Variants in PRPH observed in about 807,000 individuals in gnomAD.
PRPH encodes the protein peripherin.
A neutral mutation model predicts 52.6 loss-of-function variants in PRPH; 48 were observed. That is an observed-to-expected ratio of 0.91 (90% confidence interval 0.72 to 1.16). The LOEUF (loss-of-function observed/expected upper bound fraction) is 1.16. Among genes scored for constraint, PRPH ranks in the 50% most tolerant of loss-of-function variants. The pLI is 0.00. For missense variants in PRPH, 579 were observed against 635.7 expected, an observed-to-expected ratio of 0.91 and a Z score of 0.96; for synonymous variants, 279 against 283.8, an observed-to-expected ratio of 0.98 and a Z score of 0.17.
In PRPH at chr12:49,296,991, C is replaced by T. The variant is rs755327114; in HGVS notation, c.805C>T (p.Arg269Cys). The change falls in exon 4 of 9, where the codon CGC becomes TGC. Residue 269 changes from arginine (R) to cysteine (C), a missense_variant. Arg to Cys is a radical substitution (Grantham distance 180). Coordinates refer to ENST00000257860, the MANE Select transcript of PRPH (RefSeq NM_006262.4). The surrounding 1 kb of genome is among the most constrained non-coding windows in gnomAD (Gnocchi z 5.1). ...PELTAALRDI[R>C]AQYESIAAKN... ...GCTGACGGCAGCGCTGAGGGACATC[C>T]GCGCGCAGTACGAGAGCATCGCCGC... is the stretch of plus-strand genomic sequence containing the variant. The T allele has an allele frequency of 1.4e-5, 22 of 1,613,808 alleles. No individual in the cohort carries two copies. The highest frequency in any genetic ancestry group is 1.9e-5 in the Non-Finnish European group (22 of 1,179,962).
Position 49,296,598 on chromosome 12 carries a change from C to A in PRPH, c.702+71C>A. On this transcript the variant is annotated intron_variant, in intron 3 of 8. Transcript: ENST00000257860. This position sits in a 1 kb window ranked among gnomAD's most constrained non-coding sequence, Gnocchi z 5.1. ...GTCTCGCTGGAGCTGGCGGGTGGAG[C>A]GGAGGCATCGCCCTGGGGATCAGGA... 7.1e-7 allele frequency: 1 copy of A among 1,414,746 alleles called. No homozygotes were observed. The highest frequency in any genetic ancestry group is 9.9e-7 in the Non-Finnish European group (1 of 1,010,604). 87.6% of individuals were successfully genotyped at this position (1,414,746 alleles called of 1,614,324 possible).
In PRPH at chr12:49,296,702, C is replaced by A; in HGVS notation, c.702+175C>A. 8.7e-7 allele frequency: 1 copy of A among 1,148,298 alleles called. No individual in the cohort carries two copies. The highest frequency in any genetic ancestry group is 1.2e-6 in the Non-Finnish European group (1 of 806,342). 71.1% of individuals were successfully genotyped at this position (1,148,298 alleles called of 1,614,324 possible). A position where few individuals can be genotyped will look rare whatever the true frequency, so the allele number is the denominator to read the frequency against. ...CACCCTTGCGCCACCTGGCGGCGGG[C>A]AGCGGGGCTGTACCTCCGAAACCTG... On this transcript the variant is annotated intron_variant, in intron 3 of 8. Transcript: ENST00000257860. This position sits in a 1 kb window ranked among gnomAD's most constrained non-coding sequence, Gnocchi z 5.1.
At position 49,297,445 on chromosome 12, in the gene PRPH, A is replaced by G. The variant is rs764997995; in HGVS notation, c.1085A>G (p.Glu362Gly). The G allele has an allele frequency of 6.8e-6, 11 of 1,610,494 alleles. No homozygotes were observed. The highest frequency in any genetic ancestry group is 9.3e-6 in the Non-Finnish European group (11 of 1,179,454). Reference protein sequence around the residue: ...GGYQAGAARLEEELRQLKEEM... With the variant: ...GGYQAGAARLGEELRQLKEEM... ...TACCAGGCGGGCGCTGCGCGGCTCG[A>G]GGAGGAGCTGCGACAGCTAAAAGAG... is the stretch of plus-strand genomic sequence containing the variant. Residue 362 changes from glutamate (E) to glycine (G), a missense_variant, in exon 6 of 9, where the codon GAG becomes GGG. Coordinates refer to ENST00000257860, the MANE Select transcript of PRPH (RefSeq NM_006262.4). This position sits in a 1 kb window ranked among gnomAD's most constrained non-coding sequence, Gnocchi z 4.4.
At position 49,296,558 on chromosome 12, in the gene PRPH, T is replaced by C. The variant is rs1242227489; in HGVS notation, c.702+31T>C. 6.2e-7 allele frequency: 1 copy of C among 1,601,714 alleles called. No homozygotes were observed. The highest frequency in any genetic ancestry group is 1.3e-5 in the African/African-American group (1 of 74,742). On this transcript the variant is annotated intron_variant, in intron 3 of 8. Transcript: ENST00000257860. This position sits in a 1 kb window ranked among gnomAD's most constrained non-coding sequence, Gnocchi z 5.1. ...TGGGCCCGGTATCAGGGGCGGTTTC[T>C]GAGGTTGTGGGGTGGTCTCGCTGGA...
rs200693420 is a variant in PRPH at position 49,297,073 on chromosome 12, G to A, written c.870+17G>A. 9.9e-6 allele frequency: 16 copies of A among 1,613,880 alleles called. No individual in the cohort carries two copies. Among genetic ancestry groups the A allele is most frequent in the African/African-American group, 1.3e-5 (1 of 75,002 alleles). ...AAGTCCAAGGTGCAAGAGCCGGGAGGGCCTGCGAGGCGGGACGCTGGGGTG... is the reference window on the plus strand; with the variant it reads ...AAGTCCAAGGTGCAAGAGCCGGGAGAGCCTGCGAGGCGGGACGCTGGGGTG... On this transcript the variant is annotated intron_variant, in intron 4 of 8. Transcript: ENST00000257860. This position sits in a 1 kb window ranked among gnomAD's most constrained non-coding sequence, Gnocchi z 4.4.
At position 49,295,304 on chromosome 12, in the gene PRPH, C is replaced by T. The variant is rs756446756; in HGVS notation, c.104C>T (p.Ser35Leu). ...CTATCCCCCGGGGCCTTCTCCTACT[C>T]GTCCAGCTCCCGCTTCTCCAGCAGC... ...PSLSPGAFSYSSSSRFSSSRL... is the reference protein window; with the variant it reads ...PSLSPGAFSYLSSSRFSSSRL... Residue 35 changes from serine to leucine, a missense_variant, in exon 1 of 9, where the codon TCG (serine) becomes TTG (leucine). Transcript: ENST00000257860. The T allele has an allele frequency of 6.2e-7, 1 of 1,611,660 alleles. No individual in the cohort carries two copies. The highest frequency in any genetic ancestry group is 1.1e-5 in the South Asian group (1 of 90,858).
At position 49,297,602 on chromosome 12, in the gene PRPH, G is replaced by A. The variant is rs761451745; in HGVS notation, c.1217+25G>A. On this transcript the variant is annotated intron_variant, in intron 6 of 8. Coordinates refer to ENST00000257860, the MANE Select transcript of PRPH (RefSeq NM_006262.4). This position sits in a 1 kb window ranked among gnomAD's most constrained non-coding sequence, Gnocchi z 4.4. The stretch of plus-strand genomic sequence containing the variant: ...GGTGAGGGTGGAGCTGCTGGGGCGG[G>A]GCAGGGCGGGGTCGGGACTGGGCCG... The A allele has an allele frequency of 7.5e-6, 12 of 1,609,316 alleles. No homozygotes were observed. Among genetic ancestry groups the A allele is most frequent in the Non-Finnish European group, 1.0e-5 (12 of 1,178,782 alleles).
In PRPH at chr12:49,295,345, G is replaced by C; in HGVS notation, c.145G>C (p.Ala49Pro). Residue 49 changes from alanine to proline, a missense_variant, in exon 1 of 9, where the codon GCG becomes CCG. Transcript: ENST00000257860. ...CTCCAGCAGCCGCCTGCTGGGCTCC[G>C]CGTCCCCGAGCTCCTCGGTGCGCCT... ...RFSSSRLLGS[A>P]SPSSSVRLGS... 6.2e-7 allele frequency: 1 copy of C among 1,610,522 alleles called. No individual in the cohort carries two copies. Among genetic ancestry groups the C allele is most frequent in the South Asian group, 1.1e-5 (1 of 90,714 alleles).
At position 49,297,302 on chromosome 12, in the gene PRPH, G is replaced by A. The variant is rs1305493854; in HGVS notation, c.996+29G>A. 1.2e-6 allele frequency: 2 copies of A among 1,613,798 alleles called. No homozygotes were observed. The highest frequency in any genetic ancestry group is 1.7e-6 in the Non-Finnish European group (2 of 1,179,994). On this transcript the variant is annotated intron_variant, in intron 5 of 8. Transcript: ENST00000257860. The surrounding 1 kb of genome is among the most constrained non-coding windows in gnomAD (Gnocchi z 4.4). The stretch of plus-strand genomic sequence containing the variant: ...AGTACGAAGCTGCGCGCTCGGGCCC[G>A]GGGAGCGGACGATGAAATGTTCTGC...
At chr12:49,298,162 G>A in intron 8 of PRPH, 125 bp downstream of exon 8, 1 of 1,470,156 alleles carries the variant, frequency 6.8e-7, no homozygotes, top group Non-Finnish European at 9.4e-7. Flanking sequence ...AGGAGACAGA[G>A]AACGTGGATA....
At position 49,296,805 on chromosome 12, in the gene PRPH, G is replaced by A. The variant is rs886955285; in HGVS notation, c.703-84G>A. 3 of 1,540,326 alleles carry A rather than the reference G, an allele frequency of 1.9e-6. No individual in the cohort carries two copies. Among genetic ancestry groups the A allele is most frequent in the Non-Finnish European group, 2.6e-6 (3 of 1,140,564 alleles). On this transcript the variant is annotated intron_variant, in intron 3 of 8. Transcript: ENST00000257860. This position sits in a 1 kb window ranked among gnomAD's most constrained non-coding sequence, Gnocchi z 5.1. The stretch of plus-strand genomic sequence containing the variant: ...GGCGCCCACTTCTGTTCGTTCAAGC[G>A]TTTCTTCTCTTTTCTGTGCACGAAC...
At position 49,296,329 on chromosome 12, in the gene PRPH, G is replaced by A. The variant is rs1943179123; in HGVS notation, c.606+91G>A. The A allele has an allele frequency of 1.3e-6, 2 of 1,570,412 alleles. No homozygotes were observed. Among genetic ancestry groups the A allele is most frequent in the South Asian group, 1.1e-5 (1 of 89,024 alleles). Reference sequence around the variant, plus strand: ...TGGCATCGGTGGGCGCGGGGAGAAGGGGGTAACCCAGATGCCTCCTGAGGC... The same window carrying A: ...TGGCATCGGTGGGCGCGGGGAGAAGAGGGTAACCCAGATGCCTCCTGAGGC... On this transcript the variant is annotated intron_variant, in intron 2 of 8. Transcript: ENST00000257860. This position sits in a 1 kb window ranked among gnomAD's most constrained non-coding sequence, Gnocchi z 5.1.
chr12:49,295,634 A>G lies in PRPH; in HGVS notation c.434A>G (p.Gln145Arg). The G allele has an allele frequency of 2.6e-6, 4 of 1,543,552 alleles. No individual in the cohort carries two copies. The highest frequency in any genetic ancestry group is 3.5e-6 in the Non-Finnish European group (4 of 1,145,302). Residue 145 changes from glutamine (Q) to arginine (R), a missense_variant, in exon 1 of 9, where the codon CAG becomes CGG. Physicochemically the swap from Gln to Arg is conservative, Grantham distance 43. Coordinates refer to ENST00000257860, the MANE Select transcript of PRPH (RefSeq NM_006262.4). Reference protein sequence around the residue: ...QEPARADQLCQQELRELRREL... With the variant: ...QEPARADQLCRQELRELRREL... Reference sequence around the variant, plus strand: ...CCGGCGCGCGCCGACCAGCTGTGCCAGCAGGAGCTGCGCGAGCTGCGGCGA... The same window carrying G: ...CCGGCGCGCGCCGACCAGCTGTGCCGGCAGGAGCTGCGCGAGCTGCGGCGA...
chr12:49,297,772 C>A lies in PRPH; in HGVS notation c.1267+46C>A, dbSNP rs773905847. On this transcript the variant is annotated intron_variant, in intron 7 of 8. Coordinates refer to ENST00000257860, the MANE Select transcript of PRPH (RefSeq NM_006262.4). The surrounding 1 kb of genome is among the most constrained non-coding windows in gnomAD (Gnocchi z 4.4). ...GTACCTCTCCTTGTCCACTTCTGCC[C>A]TCCTCGGGCTCTTGCTCTGGCTCAC... 7.4e-6 allele frequency: 12 copies of A among 1,612,644 alleles called. No individual in the cohort carries two copies. Among genetic ancestry groups the A allele is most frequent in the South Asian group, 1.1e-5 (1 of 91,062 alleles).
In PRPH at chr12:49,296,405, T is replaced by C. The variant is rs758402441; in HGVS notation, c.607-27T>C. The stretch of plus-strand genomic sequence containing the variant: ...TGGTCTGCGCAGCCCCTAACTTATC[T>C]TGAACCTCCACTGCCACCCCTCGAA... On this transcript the variant is annotated intron_variant, in intron 2 of 8. Transcript: ENST00000257860. The surrounding 1 kb of genome is among the most constrained non-coding windows in gnomAD (Gnocchi z 5.1). 2 of 1,611,326 alleles carry C rather than the reference T, an allele frequency of 1.2e-6. No homozygotes were observed. Among genetic ancestry groups the C allele is most frequent in the South Asian group, 2.2e-5 (2 of 90,938 alleles).
chr12:49,295,350 C>T lies in PRPH; in HGVS notation c.150C>T (p.Ser50=). ...GCAGCCGCCTGCTGGGCTCCGCGTC[C>T]CCGAGCTCCTCGGTGCGCCTGGGCA... ...FSSSRLLGSA[S]PSSSVRLGSF... Residue 50 remains serine (S), a synonymous_variant, in exon 1 of 9, where the codon TCC becomes TCT. Coordinates refer to ENST00000257860, the MANE Select transcript of PRPH (RefSeq NM_006262.4). 1 of 1,610,662 alleles carries T rather than the reference C, an allele frequency of 6.2e-7. No individual in the cohort carries two copies. The highest frequency in any genetic ancestry group is 8.5e-7 in the Non-Finnish European group (1 of 1,179,300).
Position 49,297,891 on chromosome 12 carries a change from C to A in PRPH, c.1268-67C>A, listed in dbSNP as rs1238701110. The A allele has an allele frequency of 6.3e-7, 1 of 1,589,796 alleles. No homozygotes were observed. The highest frequency in any genetic ancestry group is 2.2e-5 in the East Asian group (1 of 44,726). Reference sequence around the variant, plus strand: ...GCCCCTCCCCTGCCCTCAGGGATAGCAGTGGGAGCCTAAGAGGAGAGATTC... The same window carrying A: ...GCCCCTCCCCTGCCCTCAGGGATAGAAGTGGGAGCCTAAGAGGAGAGATTC... On this transcript the variant is annotated intron_variant, in intron 7 of 8. Transcript: ENST00000257860. This position sits in a 1 kb window ranked among gnomAD's most constrained non-coding sequence, Gnocchi z 4.4.
chr12:49,296,393 C>T lies in PRPH; in HGVS notation c.607-39C>T. On this transcript the variant is annotated intron_variant, in intron 2 of 8. Transcript: ENST00000257860. This position sits in a 1 kb window ranked among gnomAD's most constrained non-coding sequence, Gnocchi z 5.1. Reference sequence around the variant, plus strand: ...CTGGTCCTTCCTTGGTCTGCGCAGCCCCTAACTTATCTTGAACCTCCACTG... The same window carrying T: ...CTGGTCCTTCCTTGGTCTGCGCAGCTCCTAACTTATCTTGAACCTCCACTG... 2.5e-6 allele frequency: 4 copies of T among 1,604,194 alleles called. No homozygotes were observed. The highest frequency in any genetic ancestry group is 3.4e-6 in the Non-Finnish European group (4 of 1,171,376).
intron 1 of PRPH, 86 bp downstream of exon 1, chr12:49,295,831 C>T: frequency 7.0e-7 from 1 of 1,437,984 alleles, no homozygotes; most frequent in Non-Finnish European, 9.1e-7. Flanking sequence ...CTCGCTTCCC[C>T]TCTCCATCAG....
Sources: allele counts gnomAD v4.1 joint callset, GRCh38; gene constraint gnomAD v4.1.1; non-coding constraint Gnocchi (gnomAD v3.1); transcripts MANE v1.5; gene names NCBI Gene and HGNC (gene_info 2026-07-23, HGNC 2026-07-21).